The following GPT2 variants were observed in gnomAD, a reference collection of about 807,000 sequenced individuals.
The protein encoded by GPT2 is alanine aminotransferase 2.
A neutral mutation model predicts 56.9 loss-of-function variants in GPT2; 30 were observed. The ratio of observed to expected loss-of-function variants is 0.53; its 90% CI spans 0.39 to 0.72. The LOEUF (loss-of-function observed/expected upper bound fraction) is 0.72. Ranked by LOEUF, GPT2 falls within the 30% of genes least tolerant of loss-of-function variation. The pLI, the probability that GPT2 is intolerant of heterozygous loss-of-function variation, is 0.00. For synonymous variants in GPT2, 271 were observed against 283.1 expected, an observed-to-expected ratio of 0.96 and a Z score of 0.43; for missense variants, 542 against 703.4, an observed-to-expected ratio of 0.77 and a Z score of 2.60.
intron 6 of GPT2, 111 bp from the exon 7 acceptor site, chr16:46,916,517 A>G (rs942188693): frequency 9.9e-6 from 8 of 810,154 alleles, no homozygotes; most frequent in South Asian, 5.7e-5. Flanking sequence ...AGGGTGTTCT[A>G]TGGGTCTCAA....
chr16:46,906,653 G>C (rs1237094137), intron 4 of GPT2, among the ~76,000 whole-genome samples, 189 bp from the exon 5 acceptor site: 1 of 152,114 alleles, frequency 6.6e-6, no homozygotes, highest in African/African-American at 2.4e-5. Flanking sequence ...GATGGATAGA[G>C]GGGTGGGTGG....
intron 9 of GPT2, chr16:46,924,055 C>T (rs531773809): frequency 1.3e-5 from 5 of 381,460 alleles, no homozygotes; most frequent in African/African-American, 2.1e-5. Context: ...CCAGGGTGAG[C>T]GCTGTGGAAG....
intron 7 of GPT2, 82 bp downstream of exon 7, chr16:46,916,789 C>T (rs895827788): frequency 6.6e-5 from 62 of 945,914 alleles, no homozygotes; most frequent in Non-Finnish European, 9.6e-5. Flanking sequence ...GTTCTGCAGC[C>T]AGAGAGAACT....
At position 46,900,678 on chromosome 16, in the gene GPT2, C is replaced by T. The variant is rs1247414730; in HGVS notation, c.334-4C>T. 1.2e-6 allele frequency: 2 copies of T among 1,611,476 alleles called. No homozygotes were observed. Among genetic ancestry groups the T allele is most frequent in the African/African-American group, 1.3e-5 (1 of 74,828 alleles). On this transcript the variant is annotated splice_region_variant and splice_polypyrimidine_tract_variant and intron_variant, in intron 3 of 11. Coordinates refer to ENST00000340124, the MANE Select transcript of GPT2 (RefSeq NM_133443.4). Reference sequence around the variant, plus strand: ...GGAGCTCAGCCTGTGTCTTGTTCCCCCAGGTGATGGCACTATGCACCTACC... The same window carrying T: ...GGAGCTCAGCCTGTGTCTTGTTCCCTCAGGTGATGGCACTATGCACCTACC...
At chr16:46,890,887 T>G (rs984924427) in intron 2 of GPT2, among the ~76,000 whole-genome samples, 1 of 152,202 alleles carries the variant, frequency 6.6e-6, no homozygotes, top group African/African-American at 2.4e-5. Context: ...TTTGTTTTGT[T>G]TTTGAGATGG....
intron 6 of GPT2, chr16:46,916,354 TA>T (rs796492430): frequency 0.061 from 14,295 of 233,360 alleles, no homozygotes; most frequent in East Asian, 0.096. Context: ...TCAAAAAAAT[TA>T]AAAAAAAAAA....
intron 10 of GPT2, among the ~76,000 whole-genome samples, chr16:46,926,056 G>A (rs1028954166): frequency 2.7e-5 from 4 of 150,338 alleles, no homozygotes; most frequent in African/African-American, 4.9e-5. Context: ...GCTTAAACCC[G>A]GGAGCTGGAG....
chr16:46,896,397 T>G (rs140189762), intron 2 of GPT2, among the ~76,000 whole-genome samples: 87 of 152,254 alleles, frequency 5.7e-4, no homozygotes, highest in African/African-American at 1.9e-3. Flanking sequence ...GCTACACACA[T>G]TGCTCAGGCA....
chr16:46,901,868 C>T (rs1042984009), intron 4 of GPT2, among the ~76,000 whole-genome samples: 4 of 152,250 alleles, frequency 2.6e-5, no homozygotes, highest in Non-Finnish European at 5.9e-5. Flanking sequence ...GGGGTGTGGG[C>T]TGGGGCCTTG....
intron 6 of GPT2, chr16:46,916,377 C>A: frequency 2.6e-6 from 1 of 382,572 alleles, no homozygotes; most frequent in Non-Finnish European, 4.7e-6. Context: ...ATAAGAGAGC[C>A]AGGTGAGAAC....
chr16:46,912,569 A>G (rs1378764588), intron 6 of GPT2, among the ~76,000 whole-genome samples: 2 of 152,220 alleles, frequency 1.3e-5, no homozygotes, highest in African/African-American at 4.8e-5. Flanking sequence ...CTATAAAGAA[A>G]TACCTGAGAC....
intron 2 of GPT2, among the ~76,000 whole-genome samples, chr16:46,893,353 G>A (rs1290230611): frequency 1.3e-5 from 2 of 151,918 alleles, no homozygotes; most frequent in Non-Finnish European, 2.9e-5. Context: ...GGATGGTCTC[G>A]ATCTGCTGAC....
chr16:46,898,021 C>T (rs960863137), intron 3 of GPT2, among the ~76,000 whole-genome samples: 10 of 152,018 alleles, frequency 6.6e-5, no homozygotes, highest in Non-Finnish European at 1.0e-4. Context: ...GTGGGGTAGG[C>T]GGCAGCCCAG....
chr16:46,899,608 C>T (rs1960777565), intron 3 of GPT2, among the ~76,000 whole-genome samples: 3 of 152,074 alleles, frequency 2.0e-5, no homozygotes, highest in African/African-American at 7.2e-5. Flanking sequence ...ATGTTAGAGT[C>T]CCCATGCTGG....
chr16:46,893,493 G>C (rs1960623130), intron 2 of GPT2, among the ~76,000 whole-genome samples: 1 of 152,226 alleles, frequency 6.6e-6, no homozygotes. Flanking sequence ...CACGGATGCG[G>C]AGGCTGACGG....
At chr16:46,910,558 A>C (rs1177246118) in intron 6 of GPT2, among the ~76,000 whole-genome samples, 1 of 152,034 alleles carries the variant, frequency 6.6e-6, no homozygotes, top group Non-Finnish European at 1.5e-5. Context: ...TTGTCTAAAA[A>C]GTGAGTAAAT....
intron 2 of GPT2, among the ~76,000 whole-genome samples, chr16:46,887,435 G>C (rs767630388): frequency 2.0e-5 from 3 of 152,128 alleles, no homozygotes; most frequent in African/African-American, 7.2e-5. Flanking sequence ...CTCCAGCCTC[G>C]GCAACAGAGC....
chr16:46,886,305 G>A (rs1051002915), intron 2 of GPT2, among the ~76,000 whole-genome samples: 1 of 152,164 alleles, frequency 6.6e-6, no homozygotes, highest in African/African-American at 2.4e-5. Context: ...TGGGATTAAC[G>A]CGTTCCTGGT....
At chr16:46,918,476 C>A in intron 7 of GPT2, 145 bp from the exon 8 acceptor site, 1 of 885,242 alleles carries the variant, frequency 1.1e-6, no homozygotes, top group Non-Finnish European at 1.8e-6. Flanking sequence ...TTCAGGCACA[C>A]TTGGCTCATC....
Sources: gnomAD v4.1 joint callset for allele counts (sites outside exome capture counted in the v4.1 genomes callset) on GRCh38, gnomAD v4.1.1 for gene constraint, MANE v1.5 for transcripts, NCBI Gene and HGNC (gene_info 2026-07-23, HGNC 2026-07-21) for gene names.